OLFM3: variants seen among roughly 807,000 people sequenced by gnomAD.
OLFM3 encodes the protein noelin-3.
OLFM3 carries 20 observed loss-of-function variants against 48.6 expected under a neutral mutation model. The observed-to-expected ratio is 0.41, with a 90% CI of 0.29 to 0.60. The LOEUF is 0.60. Among genes scored for constraint, OLFM3 ranks in the 20% least tolerant of loss-of-function variants. The pLI, the probability that OLFM3 is intolerant of heterozygous loss-of-function variation, is 0.28. For synonymous variants in OLFM3, 222 were observed against 198.1 expected (o/e 1.12, Z -1.01); for missense variants, 437 against 544.3 (o/e 0.80, Z 1.96).
intron 1 of OLFM3, among the ~76,000 whole-genome samples, chr1:101,904,396 G>C (rs1182951257): frequency 6.6e-6 from 1 of 152,072 alleles, no homozygotes; most frequent in South Asian, 2.1e-4. Context: ...TGGAGGAAGA[G>C]AGAGAAGTTC....
intron 1 of OLFM3, among the ~76,000 whole-genome samples, chr1:101,914,593 G>C (rs1027957674): frequency 2.6e-5 from 4 of 152,140 alleles, no homozygotes; most frequent in Non-Finnish European, 4.4e-5. Context: ...GCTGTGACCT[G>C]TGCCAACATA....
At chr1:101,845,521 T>C (rs1213434153) in intron 1 of OLFM3, among the ~76,000 whole-genome samples, 1 of 152,186 alleles carries the variant, frequency 6.6e-6, no homozygotes, top group Non-Finnish European at 1.5e-5. Flanking sequence ...AATTCAACAA[T>C]GATGTTGTTG....
intron 1 of OLFM3, among the ~76,000 whole-genome samples, chr1:101,912,546 C>T (rs1399978030): frequency 6.6e-6 from 1 of 152,132 alleles, no homozygotes; most frequent in African/African-American, 2.4e-5. Flanking sequence ...TAATGAAGAA[C>T]ATGAGGTTTG....
chr1:101,888,227 T>A (rs1415288497), intron 1 of OLFM3, among the ~76,000 whole-genome samples: 1 of 152,118 alleles, frequency 6.6e-6, no homozygotes, highest in Non-Finnish European at 1.5e-5. Context: ...GCTGGAGGCA[T>A]CACACTACCT....
intron 4 of OLFM3, among the ~76,000 whole-genome samples, chr1:101,815,221 C>A (rs561160697): frequency 6.6e-6 from 1 of 151,776 alleles, no homozygotes; most frequent in African/African-American, 2.4e-5. Context: ...CTGAGGTGGG[C>A]GGATCACAAG....
intron 1 of OLFM3, among the ~76,000 whole-genome samples, chr1:101,913,421 A>G (rs1244134544): frequency 6.6e-6 from 1 of 152,200 alleles, no homozygotes; most frequent in Non-Finnish European, 1.5e-5. Flanking sequence ...AACAGAAAAT[A>G]TTTAAAGCTT....
intron 1 of OLFM3, among the ~76,000 whole-genome samples, chr1:101,993,789 A>G (rs1350920095): frequency 1.3e-5 from 2 of 152,098 alleles, no homozygotes; most frequent in African/African-American, 4.8e-5. Context: ...GAGAAAAGAA[A>G]CTAAGTACAT....
At chr1:101,825,414 T>G (rs959824833) in intron 3 of OLFM3, among the ~76,000 whole-genome samples, 169 bp from the exon 4 acceptor site, 1 of 152,238 alleles carries the variant, frequency 6.6e-6, no homozygotes, top group African/African-American at 2.4e-5. Context: ...ATGTGATTAT[T>G]ACTAGTAAGT....
At chr1:101,809,161 A>G (rs1653925954) in intron 4 of OLFM3, among the ~76,000 whole-genome samples, 1 of 151,658 alleles carries the variant, frequency 6.6e-6, no homozygotes, top group Non-Finnish European at 1.5e-5. Flanking sequence ...AGGGGAGAAA[A>G]TTATCAAAGA....
At chr1:101,989,251 A>G (rs1333989146) in intron 1 of OLFM3, among the ~76,000 whole-genome samples, 1 of 152,126 alleles carries the variant, frequency 6.6e-6, no homozygotes, top group Non-Finnish European at 1.5e-5. Flanking sequence ...AAGGCTTGGT[A>G]TGAAAATAAC....
chr1:101,840,251 T>C (rs1013307628), intron 1 of OLFM3, among the ~76,000 whole-genome samples: 1 of 152,208 alleles, frequency 6.6e-6, no homozygotes, highest in African/African-American at 2.4e-5. Flanking sequence ...TTCTATTCAT[T>C]ACCTGGCAGT....
At chr1:101,981,473 A>G (rs12745544) in intron 1 of OLFM3, among the ~76,000 whole-genome samples, 25,258 of 152,110 alleles carry the variant, frequency 0.17, 2,404 homozygotes, top group Non-Finnish European at 0.19. Flanking sequence ...CTCTAGGTAT[A>G]CTTTATTTCT....
chr1:101,916,398 C>T lies in OLFM3; in HGVS notation c.70-79373G>A, dbSNP rs2031771. On this transcript the variant is annotated intron_variant, in intron 1 of 5. Transcript: ENST00000370103. ...TCACTTTGAAGTAGGTATAATGTCT[C>T]TCCTTTTTTTTTAATTTTTATTTTT... Among the ~76,000 whole-genome samples, 973 of 123,784 alleles carry T rather than the reference C, an allele frequency of 7.9e-3. 8 individuals carry two copies. Among genetic ancestry groups the T allele is most frequent in the Non-Finnish European group, 0.012 (673 of 55,764 alleles). The allele number at this position is 123,784 out of a possible 152,430, so 81.2% of individuals were successfully genotyped here. A position where few individuals can be genotyped will look rare whatever the true frequency, so the allele number is the denominator to read the frequency against.
At chr1:101,956,086 G>GTTTTTTTTGTTTTT (rs1660283879) in intron 1 of OLFM3, among the ~76,000 whole-genome samples, 2 of 105,054 alleles carry the variant, frequency 1.9e-5, no homozygotes, top group African/African-American at 7.8e-5. Flanking sequence ...ACAATAACAG[G>GTTTTTTTTGTTTTT]TTTTTTTTTT....
intron 1 of OLFM3, among the ~76,000 whole-genome samples, chr1:101,887,886 A>C (rs539818917): frequency 1.3e-5 from 2 of 152,172 alleles, no homozygotes; most frequent in Non-Finnish European, 2.9e-5. Flanking sequence ...GCATTGTTTG[A>C]AAAAACATAA....
intron 1 of OLFM3, among the ~76,000 whole-genome samples, chr1:101,955,718 A>G (rs1180693348): frequency 6.6e-6 from 1 of 151,942 alleles, no homozygotes. Context: ...ATTTTGGAAT[A>G]ATCTCATTTA....
chr1:101,861,107 G>C (rs555279381), intron 1 of OLFM3, among the ~76,000 whole-genome samples: 47 of 152,130 alleles, frequency 3.1e-4, no homozygotes, highest in African/African-American at 1.0e-3. Context: ...TGTTGCCCAG[G>C]CTGGTGTGCA....
At chr1:101,885,819 T>A (rs1391737612) in intron 1 of OLFM3, among the ~76,000 whole-genome samples, 1 of 152,094 alleles carries the variant, frequency 6.6e-6, no homozygotes. Flanking sequence ...CAGGCTAATG[T>A]GCCAATCAAT....
chr1:101,887,827 A>C (rs1657825824), intron 1 of OLFM3, among the ~76,000 whole-genome samples: 1 of 148,448 alleles, frequency 6.7e-6, no homozygotes, highest in African/African-American at 2.5e-5. Flanking sequence ...CATTATACAG[A>C]AAAAAAAAAG....
Sources: gnomAD v4.1 joint callset for allele counts (sites outside exome capture counted in the v4.1 genomes callset) on GRCh38, gnomAD v4.1.1 for gene constraint, MANE v1.5 for transcripts, NCBI Gene and HGNC (gene_info 2026-07-23, HGNC 2026-07-21) for gene names.